HTR2C: variants seen among roughly 807,000 people sequenced by gnomAD.
HTR2C encodes 5-hydroxytryptamine receptor 2C.
In HTR2C, 5 loss-of-function variants were observed where a neutral mutation model predicts 21.0. That is an observed-to-expected ratio of 0.24 (90% CI 0.12 to 0.50). The LOEUF (loss-of-function observed/expected upper bound fraction) is 0.50, where lower values mean the gene tolerates loss of function less well. Ranked by LOEUF, HTR2C falls within the 20% of genes least tolerant of loss-of-function variation. The pLI, the probability that HTR2C is intolerant of heterozygous loss-of-function variation, is 0.98. For missense variants in HTR2C, 271 were observed against 371.2 expected (o/e 0.73, Z 2.22); for synonymous variants, 150 against 145.3 (o/e 1.03, Z -0.23).
At chrX:114,819,016 A>T (rs1699318304) in intron 4 of HTR2C, among the ~76,000 whole-genome samples, 1 of 111,570 alleles carries the variant, frequency 9.0e-6, no homozygotes, top group African/African-American at 3.3e-5. Context: ...TTATTTAACT[A>T]ATTTTGACCA....
In HTR2C at chrX:114,678,270, G is replaced by GACACACACACAC. The variant is rs200416814; in HGVS notation, c.-79-48565_-79-48554dup. On this transcript the variant is annotated intron_variant, in intron 2 of 5. Coordinates refer to ENST00000276198, the MANE Select transcript of HTR2C (RefSeq NM_000868.4). Reference sequence around the variant, plus strand: ...GGTGTTTCTCTTTCCCTCTCTGTCTGACACACACACACACACACACACACA... The same window carrying GACACACACACAC: ...GGTGTTTCTCTTTCCCTCTCTGTCTGACACACACACACACACACACACACACACACACACACA... Among the ~76,000 whole-genome samples the GACACACACACAC allele has an allele frequency of 2.4e-3, 236 of 100,229 alleles. 1 individual carries two copies. The highest frequency in any genetic ancestry group is 3.2e-3 in the Admixed American group (29 of 9,056). 87.0% of individuals were successfully genotyped at this position (100,229 alleles called of 115,157 possible).
At chrX:114,901,527 G>C (rs1327159918) in intron 5 of HTR2C, among the ~76,000 whole-genome samples, 3 of 111,707 alleles carry the variant, frequency 2.7e-5, no homozygotes, top group African/African-American at 6.5e-5. Context: ...AGTAACATAT[G>C]ATATTTTCAG....
chrX:114,806,958 T>C (rs1487973030), intron 4 of HTR2C, among the ~76,000 whole-genome samples: 2 of 101,744 alleles, frequency 2.0e-5, no homozygotes, highest in Non-Finnish European at 4.0e-5. Flanking sequence ...ATATACCATA[T>C]GTATATACCA....
intron 4 of HTR2C, among the ~76,000 whole-genome samples, chrX:114,747,381 C>A (rs368480119): frequency 8.9e-6 from 1 of 111,851 alleles, no homozygotes; most frequent in East Asian, 2.8e-4. Context: ...CAGGTCCTAG[C>A]CAGTGTAGTA....
intron 4 of HTR2C, among the ~76,000 whole-genome samples, chrX:114,765,741 G>T (rs1295187174): frequency 1.8e-5 from 2 of 111,786 alleles, no homozygotes; most frequent in Non-Finnish European, 3.8e-5. Flanking sequence ...AATACTAATA[G>T]TTAATAGTTA....
intron 4 of HTR2C, among the ~76,000 whole-genome samples, chrX:114,784,684 A>G (rs1284786970): frequency 9.4e-6 from 1 of 106,289 alleles, no homozygotes; most frequent in Non-Finnish European, 1.9e-5. Flanking sequence ...CAGTGGCGCG[A>G]TCTCAGCTCA....
intron 4 of HTR2C, among the ~76,000 whole-genome samples, chrX:114,807,999 A>G (rs2070495820): frequency 9.0e-6 from 1 of 110,965 alleles, no homozygotes; most frequent in Admixed American, 9.7e-5. Context: ...AATGTACAAT[A>G]TAAATTATTG....
At chrX:114,763,220 T>C (rs2069899754) in intron 4 of HTR2C, 1 of 125,558 alleles carries the variant, frequency 8.0e-6, no homozygotes, top group African/African-American at 3.3e-5. Context: ...CTGTTGGGCA[T>C]CCACAGTCTC....
intron 2 of HTR2C, among the ~76,000 whole-genome samples, chrX:114,722,563 T>G (rs1933264324): frequency 1.8e-5 from 2 of 109,297 alleles, no homozygotes; most frequent in South Asian, 4.1e-4. Flanking sequence ...TGAATAGGAG[T>G]GGTGAGAGAG....
At chrX:114,696,340 C>T (rs1390102133) in intron 2 of HTR2C, among the ~76,000 whole-genome samples, 3 of 111,203 alleles carry the variant, frequency 2.7e-5, no homozygotes, top group African/African-American at 9.8e-5. Flanking sequence ...TTCCTTCCAC[C>T]TCTACTTGCA....
At chrX:114,833,945 C>A (rs1415882473) in intron 4 of HTR2C, among the ~76,000 whole-genome samples, 3 of 109,304 alleles carry the variant, frequency 2.7e-5, no homozygotes, top group Admixed American at 9.9e-5. Context: ...TTTCTGCCTT[C>A]ATTTTGTTAT....
At chrX:114,786,561 C>A (rs1556442165) in intron 4 of HTR2C, among the ~76,000 whole-genome samples, 25 of 111,630 alleles carry the variant, frequency 2.2e-4, no homozygotes, top group Non-Finnish European at 1.9e-5. Flanking sequence ...ACAGAGGTAA[C>A]CACTTAATTG....
intron 2 of HTR2C, among the ~76,000 whole-genome samples, chrX:114,658,916 G>C (rs184477226): frequency 1.8e-5 from 2 of 111,348 alleles, no homozygotes; most frequent in Non-Finnish European, 3.8e-5. Context: ...TTATCTATTT[G>C]GTTACTGTAT....
At chrX:114,718,390 G>A (rs1933058858) in intron 2 of HTR2C, among the ~76,000 whole-genome samples, 1 of 112,082 alleles carries the variant, frequency 8.9e-6, no homozygotes, top group Non-Finnish European at 1.9e-5. Context: ...TTGTTTTGGA[G>A]TGTTCACACT....
intron 5 of HTR2C, among the ~76,000 whole-genome samples, chrX:114,864,901 T>TTTTTC (rs2071033903): frequency 9.4e-5 from 1 of 10,668 alleles, no homozygotes; most frequent in Non-Finnish European, 3.6e-4. Context: ...TTTCTTTTTC[T>TTTTTC]TTTTTTTTTT....
intron 2 of HTR2C, among the ~76,000 whole-genome samples, chrX:114,718,871 C>T (rs1443722655): frequency 9.6e-6 from 1 of 104,042 alleles, no homozygotes; most frequent in African/African-American, 3.5e-5. Context: ...CACAGAAACA[C>T]ACAAATGTTA....
chrX:114,606,319 A>C (rs922129424), intron 1 of HTR2C, among the ~76,000 whole-genome samples: 1 of 111,026 alleles, frequency 9.0e-6, no homozygotes, highest in Non-Finnish European at 1.9e-5. Context: ...GGGTTGAGCT[A>C]CTTGCCCCTT....
rs1556487238 is a variant in HTR2C, at chrX:114,907,173, T to A, written c.1135T>A (p.Phe379Ile). The A allele has an allele frequency of 8.3e-7, 1 of 1,209,410 alleles. No homozygotes were observed. Among genetic ancestry groups the A allele is most frequent in the African/African-American group, 1.8e-5 (1 of 57,083 alleles). Residue 379 changes from phenylalanine to isoleucine, a missense_variant, in exon 6 of 6, where the codon TTC becomes ATC. Phe to Ile is a conservative substitution (Grantham distance 21, BLOSUM62 0). This residue lies in a region of HTR2C where 192 missense variants were observed against 247.2 expected (regional missense o/e 0.78). Coordinates refer to ENST00000276198, the MANE Select transcript of HTR2C (RefSeq NM_000868.4). ...GTTCAACAAAATTTACCGAAGGGCA[T>A]TCTCCAACTATTTGCGTTGCAATTA... ...TLFNKIYRRA[F>I]SNYLRCNYKV...
At position 114,835,524 on chromosome X, in the gene HTR2C, A is replaced by T. The variant is rs782626025; in HGVS notation, c.350-12479A>T. ...GGCTCCTGAGGCTTCTGCATTCTTC[A>T]GGTAGTTCTCGAGCCTTGGTTTTCA... On this transcript the variant is annotated intron_variant, in intron 4 of 5. Transcript: ENST00000276198. Among the ~76,000 whole-genome samples the T allele has an allele frequency of 5.5e-5, 6 of 109,653 alleles. No homozygotes were observed. In the South Asian group the frequency reaches 2.0e-3, roughly 36 times the overall value.
Sources: gnomAD v4.1 joint callset for allele counts (sites outside exome capture counted in the v4.1 genomes callset) on GRCh38, gnomAD v4.1.1 for gene constraint, gnomAD v4.1.1 regional missense constraint, MANE v1.5 for transcripts, NCBI Gene and HGNC (gene_info 2026-07-23, HGNC 2026-07-21) for gene names.